DHX9: variants seen among roughly 807,000 people sequenced by gnomAD.
DHX9 encodes the protein ATP-dependent RNA helicase A.
Under a neutral mutation model 148.7 loss-of-function variants are expected in DHX9, and 27 were observed. That is an observed-to-expected ratio of 0.18 (90% CI 0.13 to 0.25). The LOEUF (loss-of-function observed/expected upper bound fraction) is 0.25. Among genes scored for constraint, DHX9 ranks in the 10% least tolerant of loss-of-function variants. DHX9 has a pLI of 1.00. For synonymous variants in DHX9, 529 were observed against 516.6 expected (o/e 1.02, Z -0.33); for missense variants, 796 against 1,559.6 (o/e 0.51, Z 8.25).
chr1:182,851,166 T>C lies in DHX9; in HGVS notation c.253-1067T>C, dbSNP rs1368627923. ...TGGAGGAACACTATCCTTCAAGGTA[T>C]AAGCTCTCTAGAAGAAAGCAGAAAA... On this transcript the variant is annotated intron_variant, in intron 3 of 27. Coordinates refer to ENST00000367549, the MANE Select transcript of DHX9 (RefSeq NM_001357.5). Among the ~76,000 whole-genome samples the C allele has an allele frequency of 2.6e-5, 4 of 152,176 alleles. No homozygotes were observed. The East Asian group carries it at 5.8e-4, about 22-fold the overall frequency.
chr1:182,853,341 G>A lies in DHX9; in HGVS notation c.400G>A (p.Val134Ile). 6.2e-7 allele frequency: 1 copy of A among 1,613,874 alleles called. No homozygotes were observed. Among genetic ancestry groups the A allele is most frequent in the Non-Finnish European group, 8.5e-7 (1 of 1,179,906 alleles). ...NSEVGASGYG[V>I]PGPTWDRGAN... ...TGAGGTAGGGGCCTCTGGCTATGGT[G>A]TTCCTGGGCCCACCTGGGACCGAGG... is the stretch of plus-strand genomic sequence containing the variant. The change falls in exon 5 of 28, where the codon GTT becomes ATT. Residue 134 changes from valine (V) to isoleucine (I), a missense_variant. Val to Ile is a conservative substitution (Grantham distance 29). Around this residue, in one of 14 missense-constraint regions of DHX9, gnomAD observed 89 missense variants for 77.5 expected, o/e 1.15. Transcript: ENST00000367549.
At chr1:182,879,551 T>G in intron 21 of DHX9, 141 bp downstream of exon 21, 1 of 657,180 alleles carries the variant, frequency 1.5e-6, no homozygotes, top group East Asian at 3.2e-5. Context: ...GCCTCCAGTC[T>G]TACCTTAGAT....
At chr1:182,845,224 T>C (rs1477090543) in intron 3 of DHX9, among the ~76,000 whole-genome samples, 1 of 152,190 alleles carries the variant, frequency 6.6e-6, no homozygotes, top group Non-Finnish European at 1.5e-5. Flanking sequence ...AGAAAACAGT[T>C]TTGCAAATGT....
At chr1:182,858,711 T>G in intron 9 of DHX9, 22 bp from the exon 10 acceptor site, 1 of 1,613,098 alleles carries the variant, frequency 6.2e-7, no homozygotes, top group Non-Finnish European at 8.5e-7. Context: ...ATTTTTTGTT[T>G]GTTTTTCTTA....
chr1:182,862,486 C>G (rs950245122), intron 12 of DHX9, among the ~76,000 whole-genome samples: 1 of 152,160 alleles, frequency 6.6e-6, no homozygotes, highest in Non-Finnish European at 1.5e-5. Flanking sequence ...GTAAATCAAG[C>G]ATATTAATGT....
chr1:182,870,208 TAGA>T (rs1648500586), intron 14 of DHX9, among the ~76,000 whole-genome samples: 1 of 152,236 alleles, frequency 6.6e-6, no homozygotes, highest in African/African-American at 2.4e-5. Context: ...TGTTTATATG[TAGA>T]AGGATTTAAT....
At chr1:182,854,291 T>G in intron 6 of DHX9, 113 bp downstream of exon 6, 1 of 994,290 alleles carries the variant, frequency 1.0e-6, no homozygotes, top group Non-Finnish European at 1.4e-6. Flanking sequence ...GGATTAGAAT[T>G]GAATTGTTAA....
intron 15 of DHX9, among the ~76,000 whole-genome samples, chr1:182,873,096 C>T (rs943666750): frequency 3.3e-5 from 5 of 152,100 alleles, no homozygotes; most frequent in African/African-American, 1.2e-4. Flanking sequence ...CCTGGGACTA[C>T]AGGCGCACAA....
intron 3 of DHX9, among the ~76,000 whole-genome samples, chr1:182,846,174 C>T (rs1668025349): frequency 6.6e-6 from 1 of 151,922 alleles, no homozygotes; most frequent in Admixed American, 6.5e-5. Context: ...AAAGTCTCCA[C>T]TTAGGAGATT....
intron 1 of DHX9, chr1:182,839,700 C>T (rs1203768092): frequency 6.6e-6 from 1 of 152,340 alleles, no homozygotes; most frequent in Non-Finnish European, 1.5e-5. Flanking sequence ...GCGTTTCCCG[C>T]TGCTGCCTCT....
chr1:182,842,205 T>C (rs1273830899), intron 1 of DHX9, among the ~76,000 whole-genome samples: 2 of 152,228 alleles, frequency 1.3e-5, no homozygotes. Flanking sequence ...GAGTTAAATA[T>C]ATAAGGTGCC....
intron 1 of DHX9, chr1:182,839,827 CTTCA>C (rs1403438476): frequency 2.0e-5 from 3 of 152,320 alleles, no homozygotes; most frequent in East Asian, 1.9e-4. Flanking sequence ...GCCTAGGGCT[CTTCA>C]TTCATTCAAG....
chr1:182,865,475 C>T (rs1274432271), intron 12 of DHX9, among the ~76,000 whole-genome samples: 2 of 152,084 alleles, frequency 1.3e-5, no homozygotes, highest in Admixed American at 6.5e-5. Flanking sequence ...AAAATGGTGA[C>T]ATAGGTGGAA....
intron 1 of DHX9, among the ~76,000 whole-genome samples, chr1:182,842,099 C>G (rs1460003987): frequency 6.6e-6 from 1 of 152,158 alleles, no homozygotes; most frequent in African/African-American, 2.4e-5. Flanking sequence ...CGGTGGGTGA[C>G]TTGGAAGTTA....
chr1:182,882,423 C>T (rs1649125413), intron 24 of DHX9, among the ~76,000 whole-genome samples: 1 of 152,134 alleles, frequency 6.6e-6, no homozygotes, highest in Non-Finnish European at 1.5e-5. Context: ...TGGGTAAAAA[C>T]GTCAGCCTTC....
At chr1:182,883,014 TACAG>T (rs1333137358) in intron 24 of DHX9, 121 bp from the exon 25 acceptor site, 3 of 674,798 alleles carry the variant, frequency 4.4e-6, no homozygotes, top group Non-Finnish European at 7.8e-6. Flanking sequence ...GAGAAAGTTT[TACAG>T]ACAGGTTATG....
intron 27 of DHX9, 131 bp from the exon 28 acceptor site, chr1:182,886,952 A>C (rs1649358002): frequency 2.5e-6 from 2 of 790,268 alleles, no homozygotes; most frequent in East Asian, 5.2e-5. Context: ...ATTTTATTTC[A>C]ATTTCTATTT....
chr1:182,883,290 C>T lies in DHX9; in HGVS notation c.3066C>T (p.Ile1022=), dbSNP rs1294964830. Residue 1022 remains isoleucine (I), a synonymous_variant, in exon 25 of 28, where the codon ATC becomes ATT. Transcript: ENST00000367549. ...CCACTGAAGGGCGTAATGCACTTAT[C>T]CACAAATCATCTGTTAATTGTCCTT... ...ILTTEGRNAL[I]HKSSVNCPFS... The T allele has an allele frequency of 6.2e-7, 1 of 1,614,180 alleles. No homozygotes were observed. The highest frequency in any genetic ancestry group is 1.1e-5 in the South Asian group (1 of 91,082).
At chr1:182,852,840 G>A (rs144841060) in intron 4 of DHX9, among the ~76,000 whole-genome samples, 2 of 151,578 alleles carry the variant, frequency 1.3e-5, no homozygotes, top group East Asian at 3.9e-4. Context: ...AGCTTTTATT[G>A]GGATGTCTAC....
Sources: allele counts gnomAD v4.1 joint callset (sites outside exome capture counted in the v4.1 genomes callset), GRCh38; gene constraint gnomAD v4.1.1; regional missense constraint gnomAD v4.1.1; transcripts MANE v1.5; gene names NCBI Gene and HGNC (gene_info 2026-07-23, HGNC 2026-07-21).